The following ZNF800 variants were observed in gnomAD, a reference collection of about 807,000 sequenced individuals.
ZNF800 encodes the protein zinc finger protein 800.
ZNF800 carries 13 observed loss-of-function variants against 59.5 expected under a neutral mutation model. The observed-to-expected ratio is 0.22, with a 90% confidence interval of 0.14 to 0.35. ZNF800 has a LOEUF of 0.35. ZNF800 is among the 10% of genes least tolerant of loss of function. The pLI is 1.00. For synonymous variants in ZNF800, 266 were observed against 265.7 expected (o/e 1.00, Z -0.01); for missense variants, 621 against 783.7 (o/e 0.79, Z 2.48).
intron 2 of ZNF800, among the ~76,000 whole-genome samples, chr7:127,390,695 T>C (rs1470150842): frequency 6.6e-6 from 1 of 152,222 alleles, no homozygotes; most frequent in Non-Finnish European, 1.5e-5. Context: ...TAGCCTAGCC[T>C]TTATTTGATT....
chr7:127,359,586 T>C (rs956053584), intron 1 of ZNF800, among the ~76,000 whole-genome samples: 2 of 152,062 alleles, frequency 1.3e-5, no homozygotes, highest in African/African-American at 4.8e-5. Flanking sequence ...ATAATGAAAA[T>C]TAAGCATGTG....
chr7:127,370,021 T>C (rs946665587), downstream of ZNF800: 3 of 152,096 alleles, frequency 2.0e-5, no homozygotes, highest in Admixed American at 6.6e-5. Flanking sequence ...TGTGTAGGAA[T>C]GCATAAAAGA....
chr7:127,391,924 G>C (rs1587460948), intron 1 of ZNF800, 136 bp downstream of exon 1: 2 of 368,732 alleles, frequency 5.4e-6, no homozygotes, highest in Non-Finnish European at 9.6e-6. Flanking sequence ...AGCGCGGCGG[G>C]CACCGCCGGG....
intron 4 of ZNF800, 92 bp from the exon 5 acceptor site, chr7:127,375,126 A>C: frequency 9.9e-7 from 1 of 1,013,864 alleles, no homozygotes; most frequent in Non-Finnish European, 1.4e-6. Flanking sequence ...TCTATCTCAG[A>C]ATATATCATA....
rs1488944225 is a variant in ZNF800, at chr7:127,371,703, T to C, written c.*111A>G. 1.7e-6 allele frequency: 1 copy of C among 598,210 alleles called. No individual in the cohort carries two copies. Among genetic ancestry groups the C allele is most frequent in the Non-Finnish European group, 3.1e-6 (1 of 326,912 alleles). The allele number at this position is 598,210 out of a possible 1,614,324, so 37.1% of individuals were successfully genotyped here. Reference sequence around the variant, plus strand: ...ATAGTTGAATATTTAGAAAAATGTTTTTCTTTTTTTCCTCATAGTACCATT... The same window carrying C: ...ATAGTTGAATATTTAGAAAAATGTTCTTCTTTTTTTCCTCATAGTACCATT... On this transcript the variant is annotated 3_prime_UTR_variant, in exon 6 of 6. Coordinates refer to ENST00000265827, the MANE Select transcript of ZNF800 (RefSeq NM_176814.5).
In ZNF800 at chr7:127,379,836, A is replaced by ACCCCCCCCCC. The variant is rs71179574; in HGVS notation, c.158-2508_158-2507insGGGGGGGGGG. Among the ~76,000 whole-genome samples, 33 of 27,648 alleles carry ACCCCCCCCCC rather than the reference A, an allele frequency of 1.2e-3. 2 individuals carry two copies. The highest frequency in any genetic ancestry group is 2.6e-3 in the South Asian group (1 of 386). 18.1% of individuals were successfully genotyped at this position (27,648 alleles called of 152,430 possible). A position where few individuals can be genotyped will look rare whatever the true frequency, so the allele number is the denominator to read the frequency against. On this transcript the variant is annotated intron_variant, in intron 3 of 5. Transcript: ENST00000265827. ...ACAAATGCTTCCCCTTACCCTTGCC[A>ACCCCCCCCCC]CCCCCCCACCCCCCCACCCCCCCCA...
downstream of ZNF800, among the ~76,000 whole-genome samples, chr7:127,367,878 C>A (rs570062564): frequency 1.3e-5 from 2 of 152,102 alleles, no homozygotes; most frequent in Admixed American, 1.3e-4. Flanking sequence ...GCTGAGTGGA[C>A]GCAAACACCA....
intron 1 of ZNF800, chr7:127,349,738 A>G (rs143088756): frequency 2.8e-4 from 43 of 152,372 alleles, no homozygotes; most frequent in African/African-American, 1.0e-3. Context: ...CTGCTCCTGA[A>G]TAAAATGAAG....
At chr7:127,390,061 T>C (rs1801258467) in intron 2 of ZNF800, among the ~76,000 whole-genome samples, 1 of 152,160 alleles carries the variant, frequency 6.6e-6, no homozygotes, top group Non-Finnish European at 1.5e-5. Context: ...TCAACAGTGC[T>C]CTCAATAGAT....
At chr7:127,369,643 CA>C (rs929126130), downstream of ZNF800, among the ~76,000 whole-genome samples, 1 of 152,054 alleles carries the variant, frequency 6.6e-6, no homozygotes, top group African/African-American at 2.4e-5. Context: ...CTAATGTAGG[CA>C]AGTACTGACA....
chr7:127,368,221 C>G (rs1800553365), downstream of ZNF800, among the ~76,000 whole-genome samples: 1 of 152,044 alleles, frequency 6.6e-6, no homozygotes, highest in Admixed American at 6.6e-5. Context: ...GTTAGAAAAG[C>G]CAAAATAATT....
At position 127,391,503 on chromosome 7, in the gene ZNF800, C is replaced by T. The variant is rs1801314517; in HGVS notation, c.55G>A (p.Glu19Lys). The change falls in exon 2 of 6, where the codon GAA (glutamate) becomes AAA (lysine). Residue 19 changes from glutamate to lysine, a missense_variant. Physicochemically the swap from Glu to Lys is moderately conservative, Grantham distance 56. Coordinates refer to ENST00000265827, the MANE Select transcript of ZNF800 (RefSeq NM_176814.5). ...CGGACGAAGAGGGGTCTACCTGGTTCACAGCATCCGTGATGATGGTGGTCA... is the reference window on the plus strand; with the variant it reads ...CGGACGAAGAGGGGTCTACCTGGTTTACAGCATCCGTGATGATGGTGGTCA... ...QTDHHHHGCC[E>K]PVYILEPGDP... is the part of the protein sequence containing the mutation. The T allele has an allele frequency of 6.2e-7, 1 of 1,614,116 alleles. No homozygotes were observed. The highest frequency in any genetic ancestry group is 8.5e-7 in the Non-Finnish European group (1 of 1,180,004).
intron 2 of ZNF800, among the ~76,000 whole-genome samples, chr7:127,390,640 C>A (rs902988972): frequency 1.3e-5 from 2 of 152,158 alleles, no homozygotes; most frequent in African/African-American, 4.8e-5. Context: ...AATCTAATAA[C>A]TTTTAGGTCA....
rs185441151 is a variant in ZNF800, at chr7:127,374,892, C to T, written c.444G>A (p.Ser148=). 12 of 1,613,860 alleles carry T rather than the reference C, an allele frequency of 7.4e-6. No individual in the cohort carries two copies. The East Asian group carries it at 1.1e-4, about 15-fold the overall frequency. Residue 148 remains serine, a synonymous_variant, in exon 5 of 6, where the codon TCG becomes TCA. Transcript: ENST00000265827. ...TGACTTCAATAGGATTATCAGTCCT[C>T]GAAATATATTGAAATACTGCATTTT... ...TNQNAVFQYI[S]RTDNPIEVTE... is the part of the protein sequence containing the mutation.
chr7:127,354,961 TAA>T lies in ZNF800; in HGVS notation n.225-6920_225-6919del, dbSNP rs1800240677. ...CTGTCTTTTTATTCTGTATTGAAAG[TAA>T]AAGTGTGATTAACCCACCTTTTTGA... On this transcript the variant is annotated intron_variant and non_coding_transcript_variant, in intron 1 of 1. Transcript: ENST00000485577. 1.3e-5 allele frequency among the ~76,000 whole-genome samples: 2 copies of T among 152,132 alleles called. 1 individual carries two copies. The highest frequency in any genetic ancestry group is 4.1e-4 in the South Asian group (2 of 4,834).
Position 127,374,569 on chromosome 7 carries a change from T to C in ZNF800, c.767A>G (p.Lys256Arg). The C allele has an allele frequency of 6.2e-7, 1 of 1,614,126 alleles. No individual in the cohort carries two copies. Among genetic ancestry groups the C allele is most frequent in the Non-Finnish European group, 8.5e-7 (1 of 1,179,984 alleles). The change falls in exon 5 of 6, where the codon AAG (lysine) becomes AGG (arginine). Residue 256 changes from lysine (K) to arginine (R), a missense_variant. By Grantham distance (26) the Lys-to-Arg change is conservative. Around this residue, in one of 7 missense-constraint regions of ZNF800, gnomAD observed 218 missense variants for 230.8 expected, o/e 0.94. Coordinates refer to ENST00000265827, the MANE Select transcript of ZNF800 (RefSeq NM_176814.5). ...RRHIRKVHKK[K>R]MEELKKYIET... ...AATGTACTTTTTTAGTTCTTCCATC[T>C]TTTTCTTGTGTACTTTTCGAATGTG...
At chr7:127,359,048 G>T (rs1022818897) in intron 1 of ZNF800, among the ~76,000 whole-genome samples, 2 of 151,908 alleles carry the variant, frequency 1.3e-5, no homozygotes, top group African/African-American at 4.8e-5. Flanking sequence ...ACCTTTAAAA[G>T]GCAAACACCT....
chr7:127,344,304 A>T (rs17865904), downstream of ZNF800, among the ~76,000 whole-genome samples: 92 of 152,226 alleles, frequency 6.0e-4, no homozygotes, highest in East Asian at 0.015. Flanking sequence ...CAAAGAAATG[A>T]AATATCTAAC....
intron 1 of ZNF800, chr7:127,359,972 A>C (rs1281065916): frequency 6.6e-6 from 1 of 151,984 alleles, no homozygotes; most frequent in Admixed American, 6.6e-5. Flanking sequence ...TTATAGCCTT[A>C]TTGTTCAAAG....
Sources: allele counts gnomAD v4.1 joint callset (sites outside exome capture counted in the v4.1 genomes callset), GRCh38; gene constraint gnomAD v4.1.1; regional missense constraint gnomAD v4.1.1; transcripts MANE v1.5; gene names NCBI Gene and HGNC (gene_info 2026-07-23, HGNC 2026-07-21).